SLC9A9: variants seen among roughly 807,000 people sequenced by gnomAD.
SLC9A9 encodes sodium/hydrogen exchanger 9.
In SLC9A9, 62 loss-of-function variants were observed where a neutral mutation model predicts 77.8. The observed-to-expected ratio is 0.80, with a 90% CI of 0.65 to 0.98. The LOEUF (loss-of-function observed/expected upper bound fraction) is 0.98, where lower values mean the gene tolerates loss of function less well. Among genes scored for constraint, SLC9A9 ranks in the 50% least tolerant of loss-of-function variants. The pLI is 0.00. For missense variants in SLC9A9, 775 were observed against 774.9 expected (o/e 1.00, Z 0.00); for synonymous variants, 320 against 283.5 (o/e 1.13, Z -1.29).
At chr3:143,331,804 T>C (rs544677513) in intron 14 of SLC9A9, among the ~76,000 whole-genome samples, 84 of 152,078 alleles carry the variant, frequency 5.5e-4, no homozygotes, top group Non-Finnish European at 1.1e-3. Context: ...CACGTAAACA[T>C]AGAGTAAATT....
chr3:143,598,915 C>G (rs946123604), intron 6 of SLC9A9, among the ~76,000 whole-genome samples: 1 of 152,218 alleles, frequency 6.6e-6, no homozygotes, highest in Non-Finnish European at 1.5e-5. Flanking sequence ...TCTCAGGGAA[C>G]AGGAATCTTT....
chr3:143,680,067 A>C (rs1415980546), intron 5 of SLC9A9, among the ~76,000 whole-genome samples: 1 of 152,094 alleles, frequency 6.6e-6, no homozygotes, highest in African/African-American at 2.4e-5. Context: ...GAGACATGAG[A>C]GATAAAAATA....
chr3:143,426,143 G>A (rs2034401122), intron 12 of SLC9A9, among the ~76,000 whole-genome samples: 1 of 152,114 alleles, frequency 6.6e-6, no homozygotes, highest in African/African-American at 2.4e-5. Context: ...GAGACAAGAG[G>A]CAATTTTCCC....
intron 9 of SLC9A9, among the ~76,000 whole-genome samples, chr3:143,520,342 C>A (rs1351249901): frequency 6.6e-6 from 1 of 152,114 alleles, no homozygotes; most frequent in East Asian, 1.9e-4. Flanking sequence ...AGAGAGAGAC[C>A]TGTCCTCTGT....
chr3:143,298,502 G>A (rs953334061), intron 14 of SLC9A9, among the ~76,000 whole-genome samples: 1 of 152,202 alleles, frequency 6.6e-6, no homozygotes, highest in Admixed American at 6.5e-5. Context: ...ACATTCCCTA[G>A]TCTTCTAAAA....
At chr3:143,516,222 T>C (rs536204748) in intron 9 of SLC9A9, among the ~76,000 whole-genome samples, 80 of 148,312 alleles carry the variant, frequency 5.4e-4, no homozygotes, top group South Asian at 2.1e-3. Context: ...TCTTCTCTTA[T>C]AGCATTGCTT....
intron 14 of SLC9A9, among the ~76,000 whole-genome samples, chr3:143,333,635 G>C (rs1261854997): frequency 6.6e-6 from 1 of 151,682 alleles, no homozygotes; most frequent in South Asian, 2.1e-4. Flanking sequence ...GAGCCACATG[G>C]CTTGCCTAGC....
At chr3:143,795,105 A>C in intron 3 of SLC9A9, 28 bp from the exon 4 acceptor site, 1 of 1,580,880 alleles carries the variant, frequency 6.3e-7, no homozygotes, top group Non-Finnish European at 8.7e-7. Flanking sequence ...TATTTAATAG[A>C]GTACATCAGA....
intron 14 of SLC9A9, chr3:143,342,134 C>T (rs187531186): frequency 6.6e-6 from 1 of 152,296 alleles, no homozygotes; most frequent in East Asian, 1.9e-4. Context: ...ATCATTGAAG[C>T]TGCTTGTTGG....
At chr3:143,767,666 T>C (rs1040943364) in intron 4 of SLC9A9, among the ~76,000 whole-genome samples, 3 of 152,196 alleles carry the variant, frequency 2.0e-5, no homozygotes, top group African/African-American at 7.2e-5. Context: ...AGAATTTCTT[T>C]AATAGCAAGT....
chr3:143,316,612 C>A (rs1045194231), intron 14 of SLC9A9, among the ~76,000 whole-genome samples: 1 of 152,118 alleles, frequency 6.6e-6, no homozygotes, highest in Non-Finnish European at 1.5e-5. Context: ...TAAGAAGATA[C>A]CTTCTTGGCC....
At chr3:143,525,855 G>A (rs552822642) in intron 9 of SLC9A9, among the ~76,000 whole-genome samples, 2 of 152,056 alleles carry the variant, frequency 1.3e-5, no homozygotes, top group Admixed American at 6.5e-5. Flanking sequence ...AAATTAATGG[G>A]GAAATTCTTA....
At chr3:143,739,957 A>G (rs1935037132) in intron 4 of SLC9A9, among the ~76,000 whole-genome samples, 1 of 152,172 alleles carries the variant, frequency 6.6e-6, no homozygotes, top group South Asian at 2.1e-4. Context: ...CCATGTTGAG[A>G]TATTTTGGTC....
intron 6 of SLC9A9, among the ~76,000 whole-genome samples, chr3:143,641,689 G>A (rs1053500313): frequency 3.3e-5 from 5 of 152,096 alleles, no homozygotes; most frequent in African/African-American, 9.7e-5. Context: ...CACTGTGCCC[G>A]GCCTGTTGTC....
At chr3:143,443,323 T>C (rs1476888842) in intron 12 of SLC9A9, among the ~76,000 whole-genome samples, 7 of 152,186 alleles carry the variant, frequency 4.6e-5, no homozygotes, top group African/African-American at 1.7e-4. Context: ...GCTATACTGA[T>C]AAGGTGAACA....
At chr3:143,332,577 G>T (rs2031806777) in intron 14 of SLC9A9, among the ~76,000 whole-genome samples, 1 of 152,212 alleles carries the variant, frequency 6.6e-6, no homozygotes, top group South Asian at 2.1e-4. Context: ...CATTTGAGAT[G>T]CTTGTTACAA....
intron 2 of SLC9A9, among the ~76,000 whole-genome samples, chr3:143,800,006 A>C (rs2008506079): frequency 1.3e-5 from 2 of 151,770 alleles, no homozygotes; most frequent in South Asian, 4.2e-4. Flanking sequence ...TCTTTTAAGC[A>C]CTCCTTTTTA....
chr3:143,292,550 T>A (rs985674453), intron 14 of SLC9A9, among the ~76,000 whole-genome samples: 1 of 152,068 alleles, frequency 6.6e-6, no homozygotes, highest in Non-Finnish European at 1.5e-5. Context: ...TCTACTCTCC[T>A]GTGTTTGCTG....
chr3:143,563,486 C>T (rs1304331575), intron 8 of SLC9A9, among the ~76,000 whole-genome samples: 1 of 152,148 alleles, frequency 6.6e-6, no homozygotes, highest in Non-Finnish European at 1.5e-5. Flanking sequence ...AGTTCAGACA[C>T]TTTGCTAGTT....
Sources: allele counts gnomAD v4.1 joint callset (sites outside exome capture counted in the v4.1 genomes callset), GRCh38; gene constraint gnomAD v4.1.1; transcripts MANE v1.5; gene names NCBI Gene and HGNC (gene_info 2026-07-23, HGNC 2026-07-21).